TENT4B: variants seen among roughly 807,000 people sequenced by gnomAD.
TENT4B encodes terminal nucleotidyltransferase 4B.
A neutral mutation model predicts 75.0 loss-of-function variants in TENT4B; 10 were observed. The observed-to-expected ratio is 0.13, with a 90% CI of 0.08 to 0.23. The LOEUF (loss-of-function observed/expected upper bound fraction) is 0.23, where lower values mean the gene tolerates loss of function less well. Ranked by LOEUF, TENT4B falls within the 10% of genes least tolerant of loss-of-function variation. The pLI is 1.00. For missense variants in TENT4B, 579 were observed against 893.8 expected (o/e 0.65, Z 4.49); for synonymous variants, 350 against 357.7 (o/e 0.98, Z 0.24).
chr16:50,216,501 G>A (rs1250666181), intron 4 of TENT4B, among the ~76,000 whole-genome samples: 19 of 152,022 alleles, frequency 1.2e-4, no homozygotes, highest in Admixed American at 1.2e-3. Flanking sequence ...TTGTAGAGAC[G>A]GGGTTTCACC....
chr16:50,176,544 T>A (rs1338427126), intron 1 of TENT4B, among the ~76,000 whole-genome samples: 1 of 122,660 alleles, frequency 8.2e-6, no homozygotes, highest in Admixed American at 1.1e-4. Flanking sequence ...TCTTGCTCTG[T>A]CGCCCAGGCT....
Position 50,234,947 on chromosome 16 carries a change from A to C in TENT4B, c.*5619A>C. On this transcript the variant is annotated 3_prime_UTR_variant, in exon 12 of 12. Transcript: ENST00000561678. ...TTAGCATTGTCTTCAGTGTTAAGAA[A>C]TGTGGACTCCTGTGAGGTGCTGGAG... 1 of 985,836 alleles carries C rather than the reference A, an allele frequency of 1.0e-6. No individual in the cohort carries two copies. Among genetic ancestry groups the C allele is most frequent in the Non-Finnish European group, 1.2e-6 (1 of 829,892 alleles). The allele number at this position is 985,836 out of a possible 1,614,324, so 61.1% of individuals were successfully genotyped here. A position where few individuals can be genotyped will look rare whatever the true frequency, so the allele number is the denominator to read the frequency against.
chr16:50,181,502 A>C, intron 1 of TENT4B, among the ~76,000 whole-genome samples: 1 of 140,186 alleles, frequency 7.1e-6, no homozygotes, highest in Non-Finnish European at 1.5e-5. Flanking sequence ...ACAGAGTTTC[A>C]CCATGTTGTC....
chr16:50,210,972 A>T (rs552072241), intron 1 of TENT4B, among the ~76,000 whole-genome samples: 1 of 152,322 alleles, frequency 6.6e-6, no homozygotes, highest in South Asian at 2.1e-4. Flanking sequence ...AAGAGATAAG[A>T]GGGTCAGTCC....
chr16:50,211,676 A>AAT lies in TENT4B; in HGVS notation c.762+232_762+233dup, dbSNP rs2031286135. Reference sequence around the variant, plus strand: ...ACAACTATTTTTTTTTTGTAGTGCTAATAGCAACTACTAAAGGCAAGCTAT... The same window carrying AAT: ...ACAACTATTTTTTTTTTGTAGTGCTAATATAGCAACTACTAAAGGCAAGCTAT... On this transcript the variant is annotated intron_variant, in intron 2 of 11. Transcript: ENST00000561678. 4.6e-5 allele frequency among the ~76,000 whole-genome samples: 7 copies of AAT among 152,268 alleles called. No individual in the cohort carries two copies. The South Asian group carries it at 1.5e-3, about 32-fold the overall frequency.
chr16:50,155,272 G>GGTGTGTGTGT (rs60683678), intron 1 of TENT4B, among the ~76,000 whole-genome samples: 16,166 of 135,280 alleles, frequency 0.12, 1,118 homozygotes, highest in Middle Eastern at 0.15. Context: ...GGGTCTCGTG[G>GGTGTGTGTGT]GTGTGTGTGT....
At chr16:50,172,580 C>G (rs1251830162) in intron 1 of TENT4B, among the ~76,000 whole-genome samples, 1 of 151,350 alleles carries the variant, frequency 6.6e-6, no homozygotes, top group Non-Finnish European at 1.5e-5. Flanking sequence ...CTCTATCTCC[C>G]TCACATTTCC....
chr16:50,230,407 G>T lies in TENT4B; in HGVS notation c.*1079G>T, dbSNP rs925079186. ...TGGCTTCTCTAACCCTGTGTGCTGC[G>T]TGTGCCTGTTTCTCATCTCTTATTC... On this transcript the variant is annotated 3_prime_UTR_variant, in exon 12 of 12. Coordinates refer to ENST00000561678, the MANE Select transcript of TENT4B (RefSeq NM_001365324.3). The T allele has an allele frequency of 1.0e-6, 1 of 985,110 alleles. No individual in the cohort carries two copies. The highest frequency in any genetic ancestry group is 6.2e-5 in the Admixed American group (1 of 16,204). 61.0% of individuals were successfully genotyped at this position (985,110 alleles called of 1,614,324 possible).
chr16:50,232,273 T>C lies in TENT4B; in HGVS notation c.*2945T>C. 1.0e-6 allele frequency: 1 copy of C among 985,462 alleles called. No individual in the cohort carries two copies. The highest frequency in any genetic ancestry group is 1.2e-6 in the Non-Finnish European group (1 of 829,930). The allele number at this position is 985,462 out of a possible 1,614,324, so 61.0% of individuals were successfully genotyped here. A position where few individuals can be genotyped will look rare whatever the true frequency, so the allele number is the denominator to read the frequency against. On this transcript the variant is annotated 3_prime_UTR_variant, in exon 12 of 12. Transcript: ENST00000561678. ...TCGCACTCAGTTTTCAAATCTAGCT[T>C]GGATCTGTAGGACCTATGTTTTTTA... is the stretch of plus-strand genomic sequence containing the variant.
chr16:50,157,564 C>T (rs72798066), intron 1 of TENT4B, among the ~76,000 whole-genome samples: 1,982 of 152,232 alleles, frequency 0.013, 20 homozygotes, highest in Non-Finnish European at 0.021. Flanking sequence ...CTTTTTAAAA[C>T]ATTTTTTTAT....
intron 1 of TENT4B, among the ~76,000 whole-genome samples, chr16:50,161,606 A>G (rs2038003223): frequency 6.6e-6 from 1 of 152,180 alleles, no homozygotes; most frequent in South Asian, 2.1e-4. Context: ...TCCATTTGTT[A>G]TTATATTAAC....
chr16:50,234,427 G>A lies in TENT4B; in HGVS notation c.*5099G>A. On this transcript the variant is annotated 3_prime_UTR_variant, in exon 12 of 12. Coordinates refer to ENST00000561678, the MANE Select transcript of TENT4B (RefSeq NM_001365324.3). ...TGCCTTTCAAAGAGAGTGAAATGAT[G>A]GGTTATCAGCCACATTCTTGGAGTT... 2.0e-6 allele frequency: 2 copies of A among 985,400 alleles called. No individual in the cohort carries two copies. The highest frequency in any genetic ancestry group is 2.4e-6 in the Non-Finnish European group (2 of 829,924). The allele number at this position is 985,400 out of a possible 1,614,324, so 61.0% of individuals were successfully genotyped here. A position where few individuals can be genotyped will look rare whatever the true frequency, so the allele number is the denominator to read the frequency against.
chr16:50,171,016 CA>C (rs2038196236), intron 1 of TENT4B, among the ~76,000 whole-genome samples: 1 of 151,424 alleles, frequency 6.6e-6, no homozygotes, highest in African/African-American at 2.4e-5. Flanking sequence ...GGGCTATTCC[CA>C]AACTCCAGGC....
At chr16:50,228,628 C>G (rs954807354) in intron 11 of TENT4B, among the ~76,000 whole-genome samples, 1 of 152,124 alleles carries the variant, frequency 6.6e-6, no homozygotes, top group South Asian at 2.1e-4. Context: ...AACCTTGTGT[C>G]TGATTTGACT....
At chr16:50,214,378 GGGCATGGTGGCTCATGCCTGTAATCCTA>G in intron 3 of TENT4B, 111 bp downstream of exon 3, 3 of 801,538 alleles carry the variant, frequency 3.7e-6, no homozygotes, top group Non-Finnish European at 5.9e-6. Flanking sequence ...AAATGGGGCT[GGGCATGGTGGCTCATGCCTGTAATCCTA>G]GCACTTCGGG....
intron 1 of TENT4B, among the ~76,000 whole-genome samples, chr16:50,174,400 T>C (rs1312796173): frequency 6.6e-6 from 1 of 152,228 alleles, no homozygotes; most frequent in Non-Finnish European, 1.5e-5. Context: ...GCCCGGCTTA[T>C]TGTTAAGTTT....
chr16:50,183,661 C>G (rs1161461129), intron 1 of TENT4B, among the ~76,000 whole-genome samples: 1 of 151,854 alleles, frequency 6.6e-6, no homozygotes, highest in African/African-American at 2.4e-5. Flanking sequence ...GCCAGAAGAT[C>G]ACATACACAG....
At chr16:50,173,204 A>G (rs879510584) in intron 1 of TENT4B, among the ~76,000 whole-genome samples, 6 of 152,170 alleles carry the variant, frequency 3.9e-5, no homozygotes, top group Non-Finnish European at 7.3e-5. Flanking sequence ...TCGGCCTCCC[A>G]AAGTGCTGGG....
chr16:50,191,181 A>G (rs891548002), intron 1 of TENT4B, among the ~76,000 whole-genome samples: 1 of 152,024 alleles, frequency 6.6e-6, no homozygotes, highest in Non-Finnish European at 1.5e-5. Context: ...CTGTACAAGT[A>G]TCTATTTGAG....
Sources: allele counts gnomAD v4.1 joint callset (sites outside exome capture counted in the v4.1 genomes callset), GRCh38; gene constraint gnomAD v4.1.1; transcripts MANE v1.5; gene names NCBI Gene and HGNC (gene_info 2026-07-23, HGNC 2026-07-21).